Variants in PDE7B observed in about 807,000 individuals in gnomAD.
PDE7B encodes 3',5'-cyclic-AMP phosphodiesterase 7B.
PDE7B carries 29 observed loss-of-function variants against 56.2 expected under a neutral mutation model. That is an observed-to-expected ratio of 0.52 (90% CI 0.38 to 0.70). The LOEUF (loss-of-function observed/expected upper bound fraction) is 0.70, where lower values mean the gene tolerates loss of function less well. PDE7B is among the 30% of genes least tolerant of loss of function. The pLI, the probability that PDE7B is intolerant of heterozygous loss-of-function variation, is 0.00. For synonymous variants in PDE7B, 197 were observed against 196.9 expected (o/e 1.00, Z 0.00); for missense variants, 490 against 565.0 (o/e 0.87, Z 1.35).
At chr6:135,854,401 T>A (rs1182249354) in intron 1 of PDE7B, among the ~76,000 whole-genome samples, 1 of 152,224 alleles carries the variant, frequency 6.6e-6, no homozygotes, top group Non-Finnish European at 1.5e-5. Context: ...TTGGGGTACA[T>A]AATTGATTGG....
At chr6:135,878,463 G>T (rs1190873190) in intron 1 of PDE7B, among the ~76,000 whole-genome samples, 2 of 152,092 alleles carry the variant, frequency 1.3e-5, no homozygotes, top group African/African-American at 4.8e-5. Flanking sequence ...AACCATAAAT[G>T]TAGGTCCACT....
At chr6:136,077,379 T>C (rs1285903277) in intron 2 of PDE7B, among the ~76,000 whole-genome samples, 1 of 152,200 alleles carries the variant, frequency 6.6e-6, no homozygotes, top group Non-Finnish European at 1.5e-5. Flanking sequence ...CAAGGTGGCT[T>C]AGCTGTGAAT....
intron 4 of PDE7B, among the ~76,000 whole-genome samples, chr6:136,148,470 A>AGGCAGGCATGCAGGCAGGCAGGC (rs374978896): frequency 7.7e-6 from 1 of 130,138 alleles, no homozygotes; most frequent in Non-Finnish European, 1.6e-5. Flanking sequence ...GGAAGGAAGG[A>AGGCAGGCATGCAGGCAGGCAGGC]AGGCAGGCAG....
At chr6:135,858,256 G>A (rs914168799) in intron 1 of PDE7B, among the ~76,000 whole-genome samples, 1 of 152,070 alleles carries the variant, frequency 6.6e-6, no homozygotes, top group African/African-American at 2.4e-5. Context: ...AGAGTCAAGC[G>A]ATTCTCCTGC....
chr6:136,191,714 C>A lies in PDE7B; in HGVS notation c.1227C>A (p.Asn409Lys). 1 of 1,612,560 alleles carries A rather than the reference C, an allele frequency of 6.2e-7. No homozygotes were observed. The highest frequency in any genetic ancestry group is 8.5e-7 in the Non-Finnish European group (1 of 1,179,324). The stretch of plus-strand genomic sequence containing the variant: ...ACATGCTGGGCCACCTCGCACACAA[C>A]AAGGCCCAGTGGAAGAGCCTGTTGC... ...SENMLGHLAH[N>K]KAQWKSLLPR... is the part of the protein sequence containing the mutation. The change falls in exon 13 of 13, where the codon AAC (asparagine) becomes AAA (lysine). Residue 409 changes from asparagine to lysine, a missense_variant. Transcript: ENST00000308191.
chr6:135,921,876 C>G (rs1035016563), intron 1 of PDE7B, among the ~76,000 whole-genome samples: 2 of 152,014 alleles, frequency 1.3e-5, no homozygotes, highest in Admixed American at 6.6e-5. Flanking sequence ...ACTTTCATCC[C>G]AACCTCCTAT....
At chr6:135,909,555 G>A (rs371388672) in intron 1 of PDE7B, among the ~76,000 whole-genome samples, 40 of 152,060 alleles carry the variant, frequency 2.6e-4, no homozygotes, top group Admixed American at 1.4e-3. Flanking sequence ...GCAGTGAGCC[G>A]AGATCATGCC....
chr6:135,908,849 C>CA (rs938295447), intron 1 of PDE7B, among the ~76,000 whole-genome samples: 2 of 151,908 alleles, frequency 1.3e-5, no homozygotes, highest in African/African-American at 2.4e-5. Context: ...TCTGAATGGT[C>CA]AAAAAAACAC....
At chr6:136,041,354 A>G (rs907957163) in intron 2 of PDE7B, among the ~76,000 whole-genome samples, 1 of 152,248 alleles carries the variant, frequency 6.6e-6, no homozygotes, top group Middle Eastern at 3.2e-3. Context: ...GGGAACATAA[A>G]TATGTGTTCG....
chr6:136,121,125 C>T (rs576246149), intron 3 of PDE7B, among the ~76,000 whole-genome samples: 53 of 152,334 alleles, frequency 3.5e-4, no homozygotes, highest in Middle Eastern at 6.8e-3. Flanking sequence ...ACCCCATCCA[C>T]ATGATCATCC....
chr6:135,870,635 G>A lies in PDE7B; in HGVS notation c.21+18616G>A, dbSNP rs1222100132. ...ACCATTCACTGAATTAGGGAAGATC[G>A]AGGGAGGATCAGTTTGGAGGAGGGG... On this transcript the variant is annotated intron_variant, in intron 1 of 12. Transcript: ENST00000308191. Among the ~76,000 whole-genome samples the A allele has an allele frequency of 2.6e-5, 4 of 151,812 alleles. No individual in the cohort carries two copies. The East Asian group carries it at 5.8e-4, about 22-fold the overall frequency.
intron 1 of PDE7B, among the ~76,000 whole-genome samples, chr6:135,868,055 C>CCTTT (rs1208507712): frequency 6.6e-6 from 1 of 152,060 alleles, no homozygotes; most frequent in Non-Finnish European, 1.5e-5. Flanking sequence ...ATTTGACATG[C>CCTTT]ATTTAGGTTA....
intron 2 of PDE7B, among the ~76,000 whole-genome samples, chr6:136,068,409 G>A (rs1317278630): frequency 6.7e-6 from 1 of 149,328 alleles, no homozygotes; most frequent in Non-Finnish European, 1.5e-5. Context: ...AAGGGGTTGT[G>A]GAGACCAAGA....
At chr6:136,161,236 C>T (rs993147100) in intron 8 of PDE7B, among the ~76,000 whole-genome samples, 11 of 152,146 alleles carry the variant, frequency 7.2e-5, no homozygotes, top group African/African-American at 2.2e-4. Context: ...ACAAGCCCCT[C>T]CTATGAGATT....
At chr6:135,947,009 C>T (rs187347402) in intron 1 of PDE7B, among the ~76,000 whole-genome samples, 1 of 151,948 alleles carries the variant, frequency 6.6e-6, no homozygotes, top group East Asian at 1.9e-4. Context: ...TTTTTCCTTC[C>T]AAGTTCAGAG....
At position 136,193,041 on chromosome 6, in the gene PDE7B, C is replaced by T. The variant is rs1779254925; in HGVS notation, c.*1201C>T. Reference sequence around the variant, plus strand: ...CAGATTAATGAGACCCTTCAACAAGCCTGAATCAGTCACTTTTCAACACAG... The same window carrying T: ...CAGATTAATGAGACCCTTCAACAAGTCTGAATCAGTCACTTTTCAACACAG... On this transcript the variant is annotated 3_prime_UTR_variant, in exon 13 of 13. Coordinates refer to ENST00000308191, the MANE Select transcript of PDE7B (RefSeq NM_018945.4). 6.6e-6 allele frequency: 1 copy of T among 152,612 alleles called. No homozygotes were observed. The highest frequency in any genetic ancestry group is 2.1e-4 in the South Asian group (1 of 4,834). The allele number at this position is 152,612 out of a possible 1,614,324, so 9.5% of individuals were successfully genotyped here. A position where few individuals can be genotyped will look rare whatever the true frequency, so the allele number is the denominator to read the frequency against.
intron 2 of PDE7B, among the ~76,000 whole-genome samples, chr6:136,045,532 G>A (rs1316514189): frequency 6.6e-6 from 1 of 152,186 alleles, no homozygotes; most frequent in Admixed American, 6.5e-5. Flanking sequence ...ATGCTGAGGG[G>A]TACTCCAGTG....
intron 3 of PDE7B, among the ~76,000 whole-genome samples, chr6:136,144,474 A>C (rs2128446383): frequency 1.3e-5 from 2 of 152,252 alleles, no homozygotes; most frequent in East Asian, 3.9e-4. Flanking sequence ...TGTTTGGGGT[A>C]TTTCTGGACA....
At chr6:135,867,581 C>T (rs189508632) in intron 1 of PDE7B, among the ~76,000 whole-genome samples, 1 of 152,158 alleles carries the variant, frequency 6.6e-6, no homozygotes, top group Non-Finnish European at 1.5e-5. Flanking sequence ...TCTCCTTCCT[C>T]CCACCCTCTA....
Sources: gnomAD v4.1 joint callset for allele counts (sites outside exome capture counted in the v4.1 genomes callset) on GRCh38, gnomAD v4.1.1 for gene constraint, MANE v1.5 for transcripts, NCBI Gene and HGNC (gene_info 2026-07-23, HGNC 2026-07-21) for gene names.